The following FEM1B variants were observed in gnomAD, a reference collection of about 807,000 sequenced individuals.
FEM1B encodes the protein protein fem-1 homolog B.
Under a neutral mutation model 38.6 loss-of-function variants are expected in FEM1B, and 10 were observed. The observed-to-expected ratio is 0.26, with a 90% CI of 0.16 to 0.44. FEM1B has a LOEUF of 0.44. FEM1B is among the 20% of genes least tolerant of loss of function. FEM1B has a pLI of 1.00. For synonymous variants in FEM1B, 288 were observed against 288.0 expected (o/e 1.00, Z 0.00); for missense variants, 471 against 786.7 (o/e 0.60, Z 4.80).
intron 1 of FEM1B, among the ~76,000 whole-genome samples, chr15:68,285,974 A>C (rs1387426136): frequency 6.6e-6 from 1 of 151,338 alleles, no homozygotes; most frequent in Admixed American, 6.6e-5. Context: ...GATCAACACT[A>C]AATTCATTAA....
In FEM1B at chr15:68,294,991, T is replaced by C. The variant is rs1892888688; in HGVS notation, c.*3749T>C. On this transcript the variant is annotated 3_prime_UTR_variant, in exon 2 of 2. Coordinates refer to ENST00000306917, the MANE Select transcript of FEM1B (RefSeq NM_015322.5). This position sits in a 1 kb window ranked among gnomAD's most constrained non-coding sequence, Gnocchi z 4.4. ...TTTATCACATTGCAGGGCTTTCTTA[T>C]GTATTTCTGGCAGACTTGCCCAAAT... The C allele has an allele frequency of 6.6e-6, 1 of 152,240 alleles. No homozygotes were observed. The highest frequency in any genetic ancestry group is 1.5e-5 in the Non-Finnish European group (1 of 68,042). The allele number at this position is 152,240 out of a possible 1,614,324, so 9.4% of individuals were successfully genotyped here. A position where few individuals can be genotyped will look rare whatever the true frequency, so the allele number is the denominator to read the frequency against.
In FEM1B at chr15:68,284,207, T is replaced by A. The variant is rs117016386; in HGVS notation, c.249-5400T>A. ...GCCCTCATATAAACTTTTTAGTTAT[T>A]TATCTGCATAATAGTTAATATTATA... On this transcript the variant is annotated intron_variant, in intron 1 of 1. Transcript: ENST00000306917. This position sits in a 1 kb window ranked among gnomAD's most constrained non-coding sequence, Gnocchi z 4.4. Among the ~76,000 whole-genome samples, 2,585 of 152,210 alleles carry A rather than the reference T, an allele frequency of 0.017. 58 individuals carry two copies. The highest frequency in any genetic ancestry group is 0.021 in the Non-Finnish European group (1,397 of 68,020).
At position 68,290,679 on chromosome 15, in the gene FEM1B, G is replaced by T; in HGVS notation, c.1321G>T (p.Glu441Ter). Residue 441 changes from glutamate to a stop codon, truncating the protein, a stop_gained, in exon 2 of 2, where the codon GAA becomes TAA. Transcript: ENST00000306917. LOFTEE classifies it high-confidence loss of function. This position sits in a 1 kb window ranked among gnomAD's most constrained non-coding sequence, Gnocchi z 9.7. ...TGTCCACAATGCTATGGACAATTAT[G>T]AATGTAATCTCTATACCTTTCTGTA... ...ADVHNAMDNY[E>*]CNLYTFLYLV... 1.2e-6 allele frequency: 2 copies of T among 1,613,904 alleles called. No individual in the cohort carries two copies. Among genetic ancestry groups the T allele is most frequent in the Non-Finnish European group, 8.5e-7 (1 of 1,179,796 alleles).
intron 1 of FEM1B, among the ~76,000 whole-genome samples, chr15:68,286,861 A>G (rs1448438159): frequency 6.6e-6 from 1 of 152,230 alleles, no homozygotes; most frequent in Non-Finnish European, 1.5e-5. Context: ...TATAGTTGGC[A>G]TCACTGATGT....
At chr15:68,282,809 A>G (rs766077199) in intron 1 of FEM1B, among the ~76,000 whole-genome samples, 1 of 152,280 alleles carries the variant, frequency 6.6e-6, no homozygotes, top group South Asian at 2.1e-4. Flanking sequence ...TAGTCTTACA[A>G]TTTTAGCTAG....
At chr15:68,286,060 A>G (rs753416814) in intron 1 of FEM1B, among the ~76,000 whole-genome samples, 10 of 149,826 alleles carry the variant, frequency 6.7e-5, no homozygotes, top group Admixed American at 1.3e-4. Context: ...TAATTTTTGT[A>G]TGTACTGTGA....
chr15:68,287,340 GT>G (rs1354805617), intron 1 of FEM1B, among the ~76,000 whole-genome samples: 1 of 152,188 alleles, frequency 6.6e-6, no homozygotes, highest in Non-Finnish European at 1.5e-5. Context: ...AGTTTGGTGA[GT>G]TTTTTCCCTA....
chr15:68,295,759 T>C lies in FEM1B; in HGVS notation c.*4517T>C, dbSNP rs969807301. ...TTGACATGTAGAGTCATTTTTAGTT[T>C]CATGGCAATTGACAGTCCTAATAAC... On this transcript the variant is annotated 3_prime_UTR_variant, in exon 2 of 2. Transcript: ENST00000306917. The C allele has an allele frequency of 2.0e-5, 3 of 152,250 alleles. No homozygotes were observed. Among genetic ancestry groups the C allele is most frequent in the Admixed American group, 2.0e-4 (3 of 15,288 alleles). The allele number at this position is 152,250 out of a possible 1,614,324, so 9.4% of individuals were successfully genotyped here. A position where few individuals can be genotyped will look rare whatever the true frequency, so the allele number is the denominator to read the frequency against.
Position 68,288,879 on chromosome 15 carries a change from ATTTG to A in FEM1B, c.249-724_249-721del, listed in dbSNP as rs3837689. Reference sequence around the variant, plus strand: ...TATAAAAATTTCACAAAGTGAACATATTTGTTTACTAGAGTCCCCTTTGTGCTTT... The same window carrying A: ...TATAAAAATTTCACAAAGTGAACATATTTACTAGAGTCCCCTTTGTGCTTT... On this transcript the variant is annotated intron_variant, in intron 1 of 1. Coordinates refer to ENST00000306917, the MANE Select transcript of FEM1B (RefSeq NM_015322.5). The surrounding 1 kb of genome is among the most constrained non-coding windows in gnomAD (Gnocchi z 4.6). Among the ~76,000 whole-genome samples, 90 of 152,330 alleles carry A rather than the reference ATTTG, an allele frequency of 5.9e-4. 1 individual carries two copies. The East Asian group carries it at 0.014, about 23-fold the overall frequency.
chr15:68,291,318 T>A lies in FEM1B; in HGVS notation c.*76T>A. On this transcript the variant is annotated 3_prime_UTR_variant, in exon 2 of 2. Transcript: ENST00000306917. This position sits in a 1 kb window ranked among gnomAD's most constrained non-coding sequence, Gnocchi z 6.9. ...TTTAATCACAGACAGTAGAATTATG[T>A]GTTCATAAATTCTGCTTTTCTTTCC... 8.8e-7 allele frequency: 1 copy of A among 1,135,094 alleles called. No individual in the cohort carries two copies. The highest frequency in any genetic ancestry group is 1.3e-6 in the Non-Finnish European group (1 of 797,374). The allele number at this position is 1,135,094 out of a possible 1,614,324, so 70.3% of individuals were successfully genotyped here.
rs774744183 is a variant in FEM1B at position 68,289,114 on chromosome 15, G to C, written c.249-493G>C. On this transcript the variant is annotated intron_variant, in intron 1 of 1. Coordinates refer to ENST00000306917, the MANE Select transcript of FEM1B (RefSeq NM_015322.5). The surrounding 1 kb of genome is among the most constrained non-coding windows in gnomAD (Gnocchi z 6.9). ...GTAGTATAGTACTCAATTAGCTTAG[G>C]GGAAACTTACCTGCTTTATTTTTTT... The C allele has an allele frequency of 8.0e-5, 13 of 161,752 alleles. No homozygotes were observed. The highest frequency in any genetic ancestry group is 1.5e-4 in the Non-Finnish European group (11 of 73,026). 10.0% of individuals were successfully genotyped at this position (161,752 alleles called of 1,614,324 possible).
intron 1 of FEM1B, chr15:68,279,910 ATGTTTGC>A (rs1255480139): frequency 6.6e-6 from 1 of 152,140 alleles, no homozygotes; most frequent in African/African-American, 2.4e-5. Context: ...AACCTGATTC[ATGTTTGC>A]TTTTCCTTAC....
rs1892820182 is a variant in FEM1B, at chr15:68,289,128, CTTTA to C, written c.249-475_249-472del. ...AATTAGCTTAGGGGAAACTTACCTGCTTTATTTTTTTCTTCTTAAAGCAGTGTCT... is the reference window on the plus strand; with the variant it reads ...AATTAGCTTAGGGGAAACTTACCTGCTTTTTTTCTTCTTAAAGCAGTGTCT... On this transcript the variant is annotated intron_variant, in intron 1 of 1. Coordinates refer to ENST00000306917, the MANE Select transcript of FEM1B (RefSeq NM_015322.5). The surrounding 1 kb of genome is among the most constrained non-coding windows in gnomAD (Gnocchi z 6.9). 1.2e-5 allele frequency: 2 copies of C among 161,066 alleles called. No individual in the cohort carries two copies. Among genetic ancestry groups the C allele is most frequent in the African/African-American group, 2.4e-5 (1 of 41,470 alleles). 10.0% of individuals were successfully genotyped at this position (161,066 alleles called of 1,614,324 possible).
In FEM1B at chr15:68,291,299, C is replaced by CACAG; in HGVS notation, c.*62_*65dup. ...TGCTAAAAAGTAAAGGACTTTTAAT[C>CACAG]ACAGACAGTAGAATTATGTGTTCAT... On this transcript the variant is annotated 3_prime_UTR_variant, in exon 2 of 2. Coordinates refer to ENST00000306917, the MANE Select transcript of FEM1B (RefSeq NM_015322.5). The surrounding 1 kb of genome is among the most constrained non-coding windows in gnomAD (Gnocchi z 6.9). The CACAG allele has an allele frequency of 7.8e-7, 1 of 1,289,592 alleles. No individual in the cohort carries two copies. Among genetic ancestry groups the CACAG allele is most frequent in the Admixed American group, 2.3e-5 (1 of 43,470 alleles). The allele number at this position is 1,289,592 out of a possible 1,614,324, so 79.9% of individuals were successfully genotyped here.
Position 68,278,712 on chromosome 15 carries a change from T to TA in FEM1B, c.248+49dup. 1 of 1,607,972 alleles carries TA rather than the reference T, an allele frequency of 6.2e-7. No individual in the cohort carries two copies. The highest frequency in any genetic ancestry group is 8.5e-7 in the Non-Finnish European group (1 of 1,175,336). On this transcript the variant is annotated intron_variant, in intron 1 of 1. Transcript: ENST00000306917. This position sits in a 1 kb window ranked among gnomAD's most constrained non-coding sequence, Gnocchi z 5.7. ...CTCTCTCCGACGCGCGCGGACTCGTTAATTCACGGGCCCTCCCCTCCCTCA... is the reference window on the plus strand; with the variant it reads ...CTCTCTCCGACGCGCGCGGACTCGTTAAATTCACGGGCCCTCCCCTCCCTCA...
chr15:68,285,370 A>G (rs1207732019), intron 1 of FEM1B, among the ~76,000 whole-genome samples: 2 of 152,206 alleles, frequency 1.3e-5, no homozygotes, highest in Non-Finnish European at 2.9e-5. Context: ...GTTATCTGGT[A>G]TATATCAAGG....
intron 1 of FEM1B, among the ~76,000 whole-genome samples, chr15:68,279,676 A>C (rs1441046563): frequency 7.3e-6 from 1 of 137,618 alleles, no homozygotes; most frequent in Non-Finnish European, 1.5e-5. Context: ...AACTCGACTG[A>C]AAAAAACATT....
rs747831755 is a variant in FEM1B at position 68,291,011 on chromosome 15, C to G, written c.1653C>G (p.Thr551=). 2 of 1,614,132 alleles carry G rather than the reference C, an allele frequency of 1.2e-6. No individual in the cohort carries two copies. The highest frequency in any genetic ancestry group is 2.2e-5 in the South Asian group (2 of 91,082). ...ACAGGCCCATCAGTGATTTTTTGAC[C>G]TTGCACTCCATCATCATTAGCCTAG... is the stretch of plus-strand genomic sequence containing the variant. ...QYNRPISDFL[T]LHSIIISLVE... The change falls in exon 2 of 2, where the codon ACC becomes ACG. Residue 551 remains threonine, a synonymous_variant. Transcript: ENST00000306917. The surrounding 1 kb of genome is among the most constrained non-coding windows in gnomAD (Gnocchi z 6.9).
In FEM1B at chr15:68,295,794, T is replaced by C. The variant is rs761702577; in HGVS notation, c.*4552T>C. 1 of 152,238 alleles carries C rather than the reference T, an allele frequency of 6.6e-6. No homozygotes were observed. Among genetic ancestry groups the C allele is most frequent in the Non-Finnish European group, 1.5e-5 (1 of 68,042 alleles). 9.4% of individuals were successfully genotyped at this position (152,238 alleles called of 1,614,324 possible). A position where few individuals can be genotyped will look rare whatever the true frequency, so the allele number is the denominator to read the frequency against. ...TGACAGTCCTAATAACTCAGCTAAT[T>C]TGAAACTAACAATCTTGCTGTGTAA... On this transcript the variant is annotated 3_prime_UTR_variant, in exon 2 of 2. Coordinates refer to ENST00000306917, the MANE Select transcript of FEM1B (RefSeq NM_015322.5).
Sources: gnomAD v4.1 joint callset for allele counts (sites outside exome capture counted in the v4.1 genomes callset) on GRCh38, gnomAD v4.1.1 for gene constraint, Gnocchi (gnomAD v3.1) non-coding constraint, MANE v1.5 for transcripts, NCBI Gene and HGNC (gene_info 2026-07-23, HGNC 2026-07-21) for gene names.